Variants in RNF144A observed in about 807,000 individuals in gnomAD.
RNF144A encodes the protein ring finger protein 144A.
A neutral mutation model predicts 38.7 loss-of-function variants in RNF144A; 11 were observed. That is an observed-to-expected ratio of 0.28 (90% CI 0.18 to 0.47). The LOEUF (loss-of-function observed/expected upper bound fraction) is 0.47, where lower values mean the gene tolerates loss of function less well. Among genes scored for constraint, RNF144A ranks in the 20% least tolerant of loss-of-function variants. RNF144A has a pLI of 0.99. For synonymous variants in RNF144A, 149 were observed against 143.9 expected, an observed-to-expected ratio of 1.04 and a Z score of -0.25; for missense variants, 316 against 377.2, an observed-to-expected ratio of 0.84 and a Z score of 1.34.
chr2:7,018,673 G>C (rs1183913843), intron 5 of RNF144A, among the ~76,000 whole-genome samples: 1 of 152,210 alleles, frequency 6.6e-6, no homozygotes, highest in Non-Finnish European at 1.5e-5. Flanking sequence ...TCTTAGAAAA[G>C]CAAATGTGGA....
intron 3 of RNF144A, among the ~76,000 whole-genome samples, chr2:7,011,664 G>T (rs957646796): frequency 6.6e-6 from 1 of 152,198 alleles, no homozygotes; most frequent in Admixed American, 6.5e-5. Context: ...GTAGGAAAAT[G>T]TGTCAGTATC....
chr2:7,037,374 G>T (rs918879029), intron 8 of RNF144A, among the ~76,000 whole-genome samples: 1 of 152,254 alleles, frequency 6.6e-6, no homozygotes, highest in Non-Finnish European at 1.5e-5. Flanking sequence ...TGACTGCAAA[G>T]AATGTGTGGC....
At position 7,040,398 on chromosome 2, in the gene RNF144A, A is replaced by G; in HGVS notation, c.*638A>G. 1.0e-6 allele frequency: 1 copy of G among 985,466 alleles called. No homozygotes were observed. The highest frequency in any genetic ancestry group is 1.2e-6 in the Non-Finnish European group (1 of 829,950). The allele number at this position is 985,466 out of a possible 1,614,324, so 61.0% of individuals were successfully genotyped here. A position where few individuals can be genotyped will look rare whatever the true frequency, so the allele number is the denominator to read the frequency against. On this transcript the variant is annotated 3_prime_UTR_variant, in exon 9 of 9. Coordinates refer to ENST00000320892, the MANE Select transcript of RNF144A (RefSeq NM_014746.6). ...TTATGCACTCTTTGTGTTTTTCTTGAAACTTGCTGTAGTAACTTTTTGAAC... is the reference window on the plus strand; with the variant it reads ...TTATGCACTCTTTGTGTTTTTCTTGGAACTTGCTGTAGTAACTTTTTGAAC...
At chr2:6,921,560 G>A (rs4669119) in intron 1 of RNF144A, among the ~76,000 whole-genome samples, 38,430 of 152,150 alleles carry the variant, frequency 0.25, 5,596 homozygotes, top group South Asian at 0.38. Context: ...TCGCACACAC[G>A]TCGTCAATTT....
chr2:7,034,586 C>T (rs541169736), intron 8 of RNF144A, among the ~76,000 whole-genome samples: 1 of 152,344 alleles, frequency 6.6e-6, no homozygotes, highest in African/African-American at 2.4e-5. Context: ...TGAAGGACAC[C>T]TGGTAGCACC....
At chr2:7,065,151 C>T (rs1408252103) in intron 6 of RNF144A, among the ~76,000 whole-genome samples, 1 of 152,192 alleles carries the variant, frequency 6.6e-6, no homozygotes, top group Non-Finnish European at 1.5e-5. Flanking sequence ...TTAAAACATT[C>T]TGATGATGTA....
chr2:6,965,410 C>T (rs1392473350), intron 2 of RNF144A, among the ~76,000 whole-genome samples: 2 of 152,202 alleles, frequency 1.3e-5, no homozygotes, highest in Admixed American at 1.3e-4. Context: ...CCAGACCCCT[C>T]CCGTGTACGG....
At chr2:6,946,223 A>G (rs1666334980) in intron 2 of RNF144A, among the ~76,000 whole-genome samples, 1 of 152,238 alleles carries the variant, frequency 6.6e-6, no homozygotes, top group South Asian at 2.1e-4. Context: ...TACATTCATT[A>G]AAGAAATATC....
chr2:6,995,551 G>A (rs1669674444), intron 2 of RNF144A, among the ~76,000 whole-genome samples: 1 of 152,206 alleles, frequency 6.6e-6, no homozygotes, highest in Admixed American at 6.5e-5. Context: ...TGACAGTACA[G>A]CCCTCAGTCT....
intron 1 of RNF144A, among the ~76,000 whole-genome samples, chr2:6,939,238 C>T (rs1665809463): frequency 6.6e-6 from 1 of 152,178 alleles, no homozygotes. Flanking sequence ...ACATTCTTGT[C>T]TACACTTGTT....
At chr2:7,024,775 G>T (rs970521650) in intron 7 of RNF144A, among the ~76,000 whole-genome samples, 1 of 152,146 alleles carries the variant, frequency 6.6e-6, no homozygotes, top group African/African-American at 2.4e-5. Context: ...GGATTTAAAG[G>T]GGTTTTAGCA....
intron 5 of RNF144A, among the ~76,000 whole-genome samples, chr2:7,017,989 G>A (rs1192842436): frequency 3.3e-5 from 5 of 152,176 alleles, no homozygotes; most frequent in Non-Finnish European, 4.4e-5. Context: ...CCTTAGCCAG[G>A]TCTCCCCTGT....
chr2:7,073,209 A>C (rs990213412), downstream of RNF144A, among the ~76,000 whole-genome samples: 38 of 152,130 alleles, frequency 2.5e-4, no homozygotes, highest in African/African-American at 8.9e-4. Context: ...CTCCTTCAAG[A>C]CCCAGCTCAT....
chr2:7,074,559 C>G, the RNF144A span: 2 of 151,944 alleles, frequency 1.3e-5, no homozygotes, highest in African/African-American at 4.8e-5. Context: ...TTTCCTGGGC[C>G]CTTAAAAGAT....
At chr2:6,981,628 C>T (rs754463583) in intron 2 of RNF144A, among the ~76,000 whole-genome samples, 15 of 152,280 alleles carry the variant, frequency 9.9e-5, no homozygotes, top group East Asian at 3.9e-4. Flanking sequence ...ATTGTCGATA[C>T]GACTGTCAGC....
intron 2 of RNF144A, among the ~76,000 whole-genome samples, chr2:6,996,343 G>T (rs1427236534): frequency 6.6e-6 from 1 of 152,206 alleles, no homozygotes; most frequent in African/African-American, 2.4e-5. Context: ...TTAGGAGCCT[G>T]GTTGGCAGGT....
At chr2:7,027,019 T>A (rs1190928759) in intron 7 of RNF144A, among the ~76,000 whole-genome samples, 1 of 152,158 alleles carries the variant, frequency 6.6e-6, no homozygotes, top group African/African-American at 2.4e-5. Context: ...TAACAGTGAT[T>A]TACGACAAGC....
chr2:6,981,426 G>A lies in RNF144A; in HGVS notation c.-11-15490G>A, dbSNP rs535774888. Among the ~76,000 whole-genome samples the A allele has an allele frequency of 1.7e-3, 261 of 152,152 alleles. 1 individual carries two copies. The highest frequency in any genetic ancestry group is 2.6e-3 in the Non-Finnish European group (178 of 68,002). On this transcript the variant is annotated intron_variant, in intron 2 of 8. Coordinates refer to ENST00000320892, the MANE Select transcript of RNF144A (RefSeq NM_014746.6). Reference sequence around the variant, plus strand: ...TTCAGGAAAAGCCAGGTCGCATCTCGATGCTTTGCTGCTTAGAAATTTCCT... The same window carrying A: ...TTCAGGAAAAGCCAGGTCGCATCTCAATGCTTTGCTGCTTAGAAATTTCCT...
chr2:7,008,860 CA>C (rs1359550619), intron 3 of RNF144A, among the ~76,000 whole-genome samples: 2 of 152,242 alleles, frequency 1.3e-5, no homozygotes, highest in African/African-American at 4.8e-5. Flanking sequence ...CATGCCACCC[CA>C]CAAAAGCAGG....
Sources: allele counts gnomAD v4.1 joint callset (sites outside exome capture counted in the v4.1 genomes callset), GRCh38; gene constraint gnomAD v4.1.1; transcripts MANE v1.5; gene names NCBI Gene and HGNC (gene_info 2026-07-23, HGNC 2026-07-21).